The following NYAP2 variants were observed in gnomAD, a reference collection of about 807,000 sequenced individuals.
The protein encoded by NYAP2 is neuronal tyrosine-phosphorylated phosphoinositide-3-kinase adaptor 2.
A neutral mutation model predicts 50.4 loss-of-function variants in NYAP2; 23 were observed. The ratio of observed to expected loss-of-function variants is 0.46; its 90% CI spans 0.33 to 0.65. The LOEUF is 0.65. Ranked by LOEUF, NYAP2 falls within the 30% of genes least tolerant of loss-of-function variation. The pLI is 0.02. For synonymous variants in NYAP2, 394 were observed against 365.2 expected (o/e 1.08, Z -0.90); for missense variants, 885 against 861.0 (o/e 1.03, Z -0.35).
At chr2:225,550,468 C>T (rs1023227831) in intron 4 of NYAP2, among the ~76,000 whole-genome samples, 6 of 152,084 alleles carry the variant, frequency 3.9e-5, no homozygotes, top group South Asian at 4.1e-4. Flanking sequence ...TAATCTCAGA[C>T]GTGGTGGAGG....
intron 3 of NYAP2, among the ~76,000 whole-genome samples, chr2:225,411,562 T>C (rs568152975): frequency 6.6e-6 from 1 of 152,010 alleles, no homozygotes; most frequent in Non-Finnish European, 1.5e-5. Context: ...TTGTAGTCTA[T>C]AGATTTCACC....
chr2:225,634,683 A>G (rs1693381271), intron 6 of NYAP2, among the ~76,000 whole-genome samples: 1 of 152,218 alleles, frequency 6.6e-6, no homozygotes, highest in Non-Finnish European at 1.5e-5. Flanking sequence ...TCTGGATTTA[A>G]ATCCTCATTC....
chr2:225,683,795 C>T, the NYAP2 span, among the ~76,000 whole-genome samples: 1 of 152,152 alleles, frequency 6.6e-6, no homozygotes, highest in African/African-American at 2.4e-5. Context: ...ATCTTTTGAA[C>T]TCTTGGCTTG....
chr2:225,417,180 A>T (rs1362612520), intron 3 of NYAP2, among the ~76,000 whole-genome samples: 4 of 152,150 alleles, frequency 2.6e-5, no homozygotes, highest in Non-Finnish European at 5.9e-5. Flanking sequence ...GACTTTTTGA[A>T]CTACTAAAAA....
At chr2:225,617,722 A>G (rs957117901) in intron 5 of NYAP2, among the ~76,000 whole-genome samples, 1 of 152,214 alleles carries the variant, frequency 6.6e-6, no homozygotes, top group Non-Finnish European at 1.5e-5. Context: ...AGAAAAGACA[A>G]TTTTGACAAC....
upstream of NYAP2, among the ~76,000 whole-genome samples, chr2:225,398,724 T>C (rs1357812108): frequency 6.6e-6 from 1 of 152,036 alleles, no homozygotes; most frequent in Admixed American, 6.6e-5. Context: ...GTATTTCTCC[T>C]CCTTTTCATC....
exon 4 of NYAP2, chr2:225,513,402 G>A: frequency 6.2e-7 from 1 of 1,614,000 alleles, no homozygotes; most frequent in Non-Finnish European, 8.5e-7. Flanking sequence ...AGGCCACGAA[G>A]GAAGTTACGT....
intron 3 of NYAP2, among the ~76,000 whole-genome samples, chr2:225,441,666 T>C (rs1360150907): frequency 6.6e-6 from 1 of 152,122 alleles, no homozygotes; most frequent in East Asian, 1.9e-4. Flanking sequence ...AGCCATCAGA[T>C]TGCACAAGAA....
chr2:225,476,127 T>G (rs1201673187), intron 3 of NYAP2, among the ~76,000 whole-genome samples: 1 of 152,156 alleles, frequency 6.6e-6, no homozygotes, highest in African/African-American at 2.4e-5. Context: ...AAAAAAATTT[T>G]TACTGACGGG....
chr2:225,496,429 T>C (rs1690507323), intron 3 of NYAP2, among the ~76,000 whole-genome samples: 1 of 152,212 alleles, frequency 6.6e-6, no homozygotes. Flanking sequence ...TTTTTTATCC[T>C]CCTTTTTTTA....
chr2:225,582,885 G>A lies in NYAP2; in HGVS notation c.1468G>A (p.Ala490Thr). The A allele has an allele frequency of 6.2e-7, 1 of 1,613,562 alleles. No individual in the cohort carries two copies. Among genetic ancestry groups the A allele is most frequent in the Non-Finnish European group, 8.5e-7 (1 of 1,179,866 alleles). The change falls in exon 5 of 7, where the codon GCC (alanine) becomes ACC (threonine). Residue 490 changes from alanine (A) to threonine (T), a missense_variant. Ala to Thr is a moderately conservative substitution (Grantham distance 58). Coordinates refer to ENST00000636099, the Ensembl canonical transcript of NYAP2. This position sits in a 1 kb window ranked among gnomAD's most constrained non-coding sequence, Gnocchi z 7.0. ...GCAAGATGGGGCCAAGATGGTCAAC[G>A]CCGCGGTGAACACCTACGGGGCAGC...
intron 4 of NYAP2, among the ~76,000 whole-genome samples, chr2:225,543,189 T>C (rs1210472316): frequency 6.6e-6 from 1 of 151,952 alleles, no homozygotes; most frequent in Admixed American, 6.6e-5. Context: ...CACACCTTTA[T>C]CTTTTTAAAA....
At chr2:225,399,517 G>A (rs1161804583), upstream of NYAP2, among the ~76,000 whole-genome samples, 1 of 151,906 alleles carries the variant, frequency 6.6e-6, no homozygotes, top group African/African-American at 2.4e-5. Flanking sequence ...TAATTATTTT[G>A]CATCTTATTT....
chr2:225,414,520 TGTGA>T (rs745987125), intron 3 of NYAP2, among the ~76,000 whole-genome samples: 9 of 152,080 alleles, frequency 5.9e-5, no homozygotes, highest in Non-Finnish European at 1.3e-4. Flanking sequence ...CAGTTTATCA[TGTGA>T]GTGAGAGAAA....
intron 4 of NYAP2, among the ~76,000 whole-genome samples, chr2:225,579,044 A>G (rs989260356): frequency 3.3e-5 from 5 of 151,834 alleles, no homozygotes; most frequent in Non-Finnish European, 7.4e-5. Context: ...ACGCACACAC[A>G]CGCGCGTGCA....
rs555565871 is a variant in NYAP2, at chr2:225,642,964, T to C, written c.1829-8468T>C. On this transcript the variant is annotated intron_variant, in intron 6 of 6. Transcript: ENST00000636099. The stretch of plus-strand genomic sequence containing the variant: ...ATAGCAAACTTGAGTTATGCATAAT[T>C]CTATCAACATTGTTACTAAAAAACA... 3.5e-4 allele frequency among the ~76,000 whole-genome samples: 53 copies of C among 152,296 alleles called. 1 individual carries two copies. The highest frequency in any genetic ancestry group is 7.8e-4 in the Non-Finnish European group (53 of 68,024).
At chr2:225,477,685 G>A (rs1690140285) in intron 3 of NYAP2, among the ~76,000 whole-genome samples, 1 of 152,084 alleles carries the variant, frequency 6.6e-6, no homozygotes, top group Admixed American at 6.6e-5. Flanking sequence ...ATGTGTGTGT[G>A]CATGTTAGTT....
chr2:225,537,743 C>T (rs1319444625), intron 4 of NYAP2, among the ~76,000 whole-genome samples: 1 of 152,134 alleles, frequency 6.6e-6, no homozygotes, highest in Non-Finnish European at 1.5e-5. Flanking sequence ...AACAGTCCCC[C>T]AAAGTCTTAA....
Position 225,637,939 on chromosome 2 carries a change from G to A in NYAP2, c.1828+10813G>A, listed in dbSNP as rs563072566. The stretch of plus-strand genomic sequence containing the variant: ...GATAATGACTCTCACATTTCAAGGC[G>A]AAAAGCTTGACTGCAGAAGCAGAGC... On this transcript the variant is annotated intron_variant, in intron 6 of 6. Transcript: ENST00000636099. Among the ~76,000 whole-genome samples the A allele has an allele frequency of 1.0e-3, 153 of 152,266 alleles. 1 individual carries two copies. Among genetic ancestry groups the A allele is most frequent in the Non-Finnish European group, 1.2e-3 (84 of 68,028 alleles).
Sources: allele counts gnomAD v4.1 joint callset (sites outside exome capture counted in the v4.1 genomes callset), GRCh38; gene constraint gnomAD v4.1.1; non-coding constraint Gnocchi (gnomAD v3.1); transcripts MANE v1.5; gene names NCBI Gene and HGNC (gene_info 2026-07-23, HGNC 2026-07-21).